The following USP34 variants were observed in gnomAD, a reference collection of about 807,000 sequenced individuals.
USP34 encodes ubiquitin specific peptidase 34, also known as ubiquitin carboxyl-terminal hydrolase 34.
USP34 carries 70 observed loss-of-function variants against 460.3 expected under a neutral mutation model. The observed-to-expected ratio is 0.15, with a 90% CI of 0.13 to 0.19. USP34 has a LOEUF of 0.19. Among genes scored for constraint, USP34 ranks in the 10% least tolerant of loss-of-function variants. The pLI is 1.00. For missense variants in USP34, 3,985 were observed against 4,236.2 expected (o/e 0.94, Z 1.65); for synonymous variants, 1,647 against 1,405.3 (o/e 1.17, Z -3.85).
chr2:61,255,906 T>C (rs1688712435), intron 48 of USP34, among the ~76,000 whole-genome samples: 1 of 152,220 alleles, frequency 6.6e-6, no homozygotes, highest in African/African-American at 2.4e-5. Flanking sequence ...GCAAGAATAC[T>C]GAGCTTCATT....
chr2:61,223,337 T>C (rs1278727878), intron 62 of USP34, 41 bp from the exon 63 acceptor site: 6 of 1,581,728 alleles, frequency 3.8e-6, no homozygotes, highest in South Asian at 1.1e-5. Flanking sequence ...TTCTTCCTTC[T>C]GTATTACTTT....
At chr2:61,435,473 C>A (rs960294735) in intron 1 of USP34, among the ~76,000 whole-genome samples, 2 of 150,320 alleles carry the variant, frequency 1.3e-5, no homozygotes, top group African/African-American at 4.9e-5. Flanking sequence ...AACAAAAAAA[C>A]AGCTTATCAA....
chr2:61,311,747 A>G (rs1194053614), intron 26 of USP34, 37 bp downstream of exon 26: 6 of 1,610,108 alleles, frequency 3.7e-6, no homozygotes, highest in Non-Finnish European at 5.1e-6. Flanking sequence ...TGACCTGGGA[A>G]ATGTTATCAA....
intron 41 of USP34, among the ~76,000 whole-genome samples, chr2:61,271,470 T>A (rs1689211755): frequency 6.6e-6 from 1 of 152,166 alleles, no homozygotes; most frequent in Non-Finnish European, 1.5e-5. Flanking sequence ...CTGTCAGTTC[T>A]AAGAATCAGG....
intron 1 of USP34, among the ~76,000 whole-genome samples, chr2:61,457,015 C>T (rs925874160): frequency 3.8e-4 from 58 of 152,004 alleles, no homozygotes; most frequent in African/African-American, 1.4e-3. Context: ...ACTGCTCACA[C>T]CTGTAACCCC....
intron 1 of USP34, among the ~76,000 whole-genome samples, chr2:61,459,080 A>G (rs57525500): frequency 1.1e-4 from 16 of 152,310 alleles, no homozygotes; most frequent in African/African-American, 3.8e-4. Context: ...AAAAATAAAA[A>G]CAAATCTTGC....
At chr2:61,192,873 C>A in intron 76 of USP34, 28 bp downstream of exon 76, 1 of 1,589,322 alleles carries the variant, frequency 6.3e-7, no homozygotes, top group Non-Finnish European at 8.6e-7. Flanking sequence ...AGATTAAAGA[C>A]CAATCATCTA....
chr2:61,244,180 A>G (rs989263323), intron 51 of USP34, among the ~76,000 whole-genome samples: 1 of 152,244 alleles, frequency 6.6e-6, no homozygotes, highest in Non-Finnish European at 1.5e-5. Context: ...ATTTGGGCTA[A>G]TCTATGAAAC....
intron 5 of USP34, among the ~76,000 whole-genome samples, chr2:61,389,974 C>T (rs1693292245): frequency 6.6e-6 from 1 of 151,556 alleles, no homozygotes; most frequent in Non-Finnish European, 1.5e-5. Flanking sequence ...TCCTATTCTC[C>T]TATCTAGTAA....
At chr2:61,301,938 GT>G (rs1690238981) in intron 27 of USP34, among the ~76,000 whole-genome samples, 1 of 151,782 alleles carries the variant, frequency 6.6e-6, no homozygotes, top group African/African-American at 2.4e-5. Flanking sequence ...GGATGGGAGG[GT>G]GAGGAGAAAA....
At chr2:61,235,786 AG>A (rs141163420) in intron 57 of USP34, 58 bp downstream of exon 57, 71 of 1,538,596 alleles carry the variant, frequency 4.6e-5, no homozygotes, top group Admixed American at 7.8e-5. Context: ...CTTAGATCAG[AG>A]GGGGGGAAAA....
intron 19 of USP34, among the ~76,000 whole-genome samples, chr2:61,333,134 G>A (rs1691318630): frequency 6.6e-6 from 1 of 151,920 alleles, no homozygotes; most frequent in South Asian, 2.1e-4. Context: ...TATTGTTTGT[G>A]GTAGACAACT....
intron 3 of USP34, among the ~76,000 whole-genome samples, chr2:61,403,718 C>T (rs1341884266): frequency 8.6e-5 from 13 of 151,844 alleles, no homozygotes; most frequent in Admixed American, 4.6e-4. Flanking sequence ...CTGGGCGCAG[C>T]GGCTCACGCC....
At chr2:61,337,675 C>A (rs868724537) in intron 18 of USP34, among the ~76,000 whole-genome samples, 1 of 152,168 alleles carries the variant, frequency 6.6e-6, no homozygotes, top group Middle Eastern at 3.2e-3. Flanking sequence ...CCATGCTGGT[C>A]TCAGTCCTGG....
At chr2:61,426,314 C>T (rs1361513587) in intron 1 of USP34, among the ~76,000 whole-genome samples, 2 of 152,116 alleles carry the variant, frequency 1.3e-5, no homozygotes, top group African/African-American at 2.4e-5. Flanking sequence ...AATTCTAAGA[C>T]CTGACTCTTA....
intron 57 of USP34, among the ~76,000 whole-genome samples, chr2:61,234,006 A>G (rs989670497): frequency 2.0e-5 from 3 of 152,154 alleles, no homozygotes; most frequent in African/African-American, 7.2e-5. Flanking sequence ...AAATTCTTCC[A>G]TTATGGAAAA....
At chr2:61,212,396 TTTTC>T (rs1399571387) in intron 68 of USP34, among the ~76,000 whole-genome samples, 2 of 152,336 alleles carry the variant, frequency 1.3e-5, no homozygotes, top group East Asian at 1.9e-4. Context: ...CCTATCCACT[TTTTC>T]TTTAATTAAT....
chr2:61,220,479 C>A lies in USP34; in HGVS notation c.7900-22G>T, dbSNP rs765876403. On this transcript the variant is annotated intron_variant, in intron 66 of 79. Coordinates refer to ENST00000398571, the MANE Select transcript of USP34 (RefSeq NM_014709.4). ...TCACCTACAAATAACATGACAAGAA[C>A]AGAATATAAGGCCAACTGAATGAGC... 9 of 1,590,304 alleles carry A rather than the reference C, an allele frequency of 5.7e-6. 1 individual carries two copies. The South Asian group carries it at 1.0e-4, about 18-fold the overall frequency.
In USP34 at chr2:61,319,328, CTAGA is replaced by C. The variant is rs772062168; in HGVS notation, c.3014-5_3014-2del. ...ATGTCAACTTGCTCTAAACTTAACC[CTAGA>C]TAAAAATTATAAATTTTATACTTTA... On this transcript the variant is annotated splice_acceptor_variant and splice_polypyrimidine_tract_variant and intron_variant, in intron 21 of 79. Coordinates refer to ENST00000398571, the MANE Select transcript of USP34 (RefSeq NM_014709.4). LOFTEE classifies it high-confidence loss of function. 17 of 1,528,416 alleles carry C rather than the reference CTAGA, an allele frequency of 1.1e-5. No homozygotes were observed. Among genetic ancestry groups the C allele is most frequent in the Non-Finnish European group, 1.4e-5 (16 of 1,147,830 alleles). The allele number at this position is 1,528,416 out of a possible 1,614,324, so 94.7% of individuals were successfully genotyped here. A position where few individuals can be genotyped will look rare whatever the true frequency, so the allele number is the denominator to read the frequency against.
Sources: allele counts gnomAD v4.1 joint callset (sites outside exome capture counted in the v4.1 genomes callset), GRCh38; gene constraint gnomAD v4.1.1; transcripts MANE v1.5; gene names NCBI Gene and HGNC (gene_info 2026-07-23, HGNC 2026-07-21).